The following TRPC4 variants were observed in gnomAD, a reference collection of about 807,000 sequenced individuals.
The protein encoded by TRPC4 is transient receptor potential cation channel subfamily C member 4, also known as short transient receptor potential channel 4.
Under a neutral mutation model 99.4 loss-of-function variants are expected in TRPC4, and 49 were observed. The observed-to-expected ratio is 0.49, with a 90% CI of 0.39 to 0.63. TRPC4 has a LOEUF of 0.63. Among genes scored for constraint, TRPC4 ranks in the 20% least tolerant of loss-of-function variants. TRPC4 has a pLI of 0.00. For synonymous variants in TRPC4, 454 were observed against 425.9 expected (o/e 1.07, Z -0.81); for missense variants, 898 against 1,152.9 (o/e 0.78, Z 3.20).
At chr13:37,857,123 T>C (rs1959180622) in intron 1 of TRPC4, among the ~76,000 whole-genome samples, 1 of 151,628 alleles carries the variant, frequency 6.6e-6, no homozygotes, top group Non-Finnish European at 1.5e-5. Flanking sequence ...AGCATTTCTA[T>C]ATGCCAACAG....
intron 2 of TRPC4, among the ~76,000 whole-genome samples, chr13:37,761,409 A>G (rs1956219070): frequency 6.6e-6 from 1 of 151,892 alleles, no homozygotes; most frequent in Non-Finnish European, 1.5e-5. Context: ...TCTTCTAGGT[A>G]AGGCAGTTGC....
rs543648108 is a variant in TRPC4, at chr13:37,748,014, A to C, written c.379-1559T>G. 8.0e-4 allele frequency among the ~76,000 whole-genome samples: 122 copies of C among 152,278 alleles called. No individual in the cohort carries two copies. The South Asian group carries it at 0.015, about 19-fold the overall frequency. On this transcript the variant is annotated intron_variant, in intron 2 of 10. Transcript: ENST00000379705. ...GGTTTGGGAAATGGTTTCAGTGTGC[A>C]TTTGCCTGACAAAGTGAGAATTTAC...
At chr13:37,858,305 A>G (rs1052416388) in intron 1 of TRPC4, among the ~76,000 whole-genome samples, 1 of 151,770 alleles carries the variant, frequency 6.6e-6, no homozygotes, top group Non-Finnish European at 1.5e-5. Context: ...GAACCCTCAT[A>G]CATTGTGGGT....
chr13:37,794,617 T>C (rs1957201964), intron 1 of TRPC4, among the ~76,000 whole-genome samples: 1 of 152,160 alleles, frequency 6.6e-6, no homozygotes, highest in Non-Finnish European at 1.5e-5. Flanking sequence ...AACACTGTGA[T>C]TCTATTCGTC....
At chr13:37,753,301 A>G (rs1955987715) in intron 2 of TRPC4, among the ~76,000 whole-genome samples, 1 of 152,092 alleles carries the variant, frequency 6.6e-6, no homozygotes, top group Admixed American at 6.6e-5. Flanking sequence ...TTAGGGCAAG[A>G]TTAGAGATGC....
chr13:37,742,222 G>T (rs1479224742), intron 3 of TRPC4, among the ~76,000 whole-genome samples: 1 of 152,040 alleles, frequency 6.6e-6, no homozygotes, highest in Non-Finnish European at 1.5e-5. Flanking sequence ...CTTTCTCTTT[G>T]GATGAGATTA....
intron 1 of TRPC4, among the ~76,000 whole-genome samples, chr13:37,866,121 A>G (rs1334964728): frequency 6.6e-6 from 1 of 151,816 alleles, no homozygotes; most frequent in East Asian, 1.9e-4. Flanking sequence ...TGAATATCTG[A>G]TTCATTTAAT....
intron 3 of TRPC4, among the ~76,000 whole-genome samples, chr13:37,706,523 A>G (rs1422479718): frequency 1.3e-5 from 2 of 152,054 alleles, no homozygotes; most frequent in Non-Finnish European, 2.9e-5. Flanking sequence ...ACATGTGCAC[A>G]ATGTGCAGGT....
intron 1 of TRPC4, among the ~76,000 whole-genome samples, chr13:37,808,565 T>C (rs1009515724): frequency 7.2e-5 from 11 of 152,072 alleles, no homozygotes; most frequent in Non-Finnish European, 1.0e-4. Flanking sequence ...CTTCAGGTAT[T>C]GTCTTGTAGA....
chr13:37,660,218 G>C (rs969549670), intron 6 of TRPC4, among the ~76,000 whole-genome samples: 1 of 152,146 alleles, frequency 6.6e-6, no homozygotes, highest in African/African-American at 2.4e-5. Context: ...AGTGAGAAAG[G>C]CTAGAGAAGT....
At chr13:37,724,526 A>G (rs1593593409) in intron 3 of TRPC4, among the ~76,000 whole-genome samples, 1 of 152,180 alleles carries the variant, frequency 6.6e-6, no homozygotes, top group East Asian at 1.9e-4. Context: ...ATGAATTGTT[A>G]TTATAATTAT....
chr13:37,837,291 G>A (rs1219736391), intron 1 of TRPC4, among the ~76,000 whole-genome samples: 2 of 152,182 alleles, frequency 1.3e-5, no homozygotes, highest in African/African-American at 4.8e-5. Context: ...GTGAGAAGAG[G>A]GCCACCTTCC....
intron 1 of TRPC4, among the ~76,000 whole-genome samples, chr13:37,804,409 C>T (rs9566256): frequency 0.29 from 43,879 of 151,878 alleles, 6,556 homozygotes; most frequent in East Asian, 0.43. Flanking sequence ...TGCTTCCTTC[C>T]TGCCCTGTTT....
chr13:37,653,519 T>C (rs1952118361), intron 7 of TRPC4, among the ~76,000 whole-genome samples: 1 of 152,090 alleles, frequency 6.6e-6, no homozygotes, highest in African/African-American at 2.4e-5. Context: ...AAGCAAATGC[T>C]TGGCATGTTC....
Position 37,641,300 on chromosome 13 carries a change from G to T in TRPC4, c.2080-2001C>A, listed in dbSNP as rs942068918. Among the ~76,000 whole-genome samples the T allele has an allele frequency of 2.6e-5, 4 of 151,980 alleles. No individual in the cohort carries two copies. In the East Asian group the frequency reaches 7.7e-4, roughly 29 times the overall value. On this transcript the variant is annotated intron_variant, in intron 8 of 10. Transcript: ENST00000379705. ...AAAAAGAGAGAGGAACACTAAAAAT[G>T]TTCACTATGGTACCTTTCAGGCGTT...
At chr13:37,805,474 A>G (rs1160158340) in intron 1 of TRPC4, among the ~76,000 whole-genome samples, 1 of 152,006 alleles carries the variant, frequency 6.6e-6, no homozygotes, top group East Asian at 1.9e-4. Flanking sequence ...TTTCCATGAT[A>G]TAAGTCCATG....
intron 4 of TRPC4, among the ~76,000 whole-genome samples, chr13:37,685,019 GA>G (rs1262730147): frequency 6.6e-6 from 1 of 152,088 alleles, no homozygotes; most frequent in Non-Finnish European, 1.5e-5. Flanking sequence ...TTTTAGATTA[GA>G]AAAAAGGCAG....
At chr13:37,646,601 A>C (rs1413163853) in intron 8 of TRPC4, among the ~76,000 whole-genome samples, 1 of 152,206 alleles carries the variant, frequency 6.6e-6, no homozygotes, top group Non-Finnish European at 1.5e-5. Context: ...AGATTAAAAA[A>C]CTTCAAAAAA....
At chr13:37,810,094 A>G (rs1957632942) in intron 1 of TRPC4, among the ~76,000 whole-genome samples, 1 of 152,102 alleles carries the variant, frequency 6.6e-6, no homozygotes, top group African/African-American at 2.4e-5. Flanking sequence ...GGTTAATAGT[A>G]TGTTCATTCT....
Sources: gnomAD v4.1 joint callset for allele counts (sites outside exome capture counted in the v4.1 genomes callset) on GRCh38, gnomAD v4.1.1 for gene constraint, MANE v1.5 for transcripts, NCBI Gene and HGNC (gene_info 2026-07-23, HGNC 2026-07-21) for gene names.